LONRF3: variants seen among roughly 807,000 people sequenced by gnomAD.
The protein encoded by LONRF3 is LON peptidase N-terminal domain and RING finger protein 3.
LONRF3 carries 19 observed loss-of-function variants against 51.7 expected under a neutral mutation model. The observed-to-expected ratio is 0.37, with a 90% CI of 0.26 to 0.54. LONRF3 has a LOEUF of 0.54. Among genes scored for constraint, LONRF3 ranks in the 20% least tolerant of loss-of-function variants. The pLI, the probability that LONRF3 is intolerant of heterozygous loss-of-function variation, is 0.86. For missense variants in LONRF3, 521 were observed against 623.9 expected (o/e 0.84, Z 1.76); for synonymous variants, 265 against 257.8 (o/e 1.03, Z -0.27).
chrX:119,014,283 C>T lies in LONRF3; in HGVS notation c.2051C>T (p.Ser684Leu), dbSNP rs1925296288. The T allele has an allele frequency of 8.3e-7, 1 of 1,209,720 alleles. No homozygotes were observed. The highest frequency in any genetic ancestry group is 1.8e-5 in the South Asian group (1 of 56,908). Residue 684 changes from serine to leucine, a missense_variant, in exon 10 of 11, where the codon TCG becomes TTG. By Grantham distance (145) the Ser-to-Leu change is moderately radical. Coordinates refer to ENST00000371628, the MANE Select transcript of LONRF3 (RefSeq NM_001031855.3). ...VYQQASLWFH[S>L]LKLSLKNRIL... Reference sequence around the variant, plus strand: ...CAGCAAGCATCATTGTGGTTTCATTCGCTCAAATTATCCCTAAAGAATCGG... The same window carrying T: ...CAGCAAGCATCATTGTGGTTTCATTTGCTCAAATTATCCCTAAAGAATCGG...
In LONRF3 at chrX:118,998,122, T is replaced by C. The variant is rs1423711027; in HGVS notation, c.1415+7562T>C. On this transcript the variant is annotated intron_variant, in intron 5 of 10. Coordinates refer to ENST00000371628, the MANE Select transcript of LONRF3 (RefSeq NM_001031855.3). ...TGATCCAGCAATCCCACTGGGTATC[T>C]ACCCAGAGGAAAAGAAGCCATTATT... is the stretch of plus-strand genomic sequence containing the variant. Among the ~76,000 whole-genome samples the C allele has an allele frequency of 4.5e-4, 50 of 112,173 alleles. 1 individual carries two copies. The highest frequency in any genetic ancestry group is 1.9e-5 in the Non-Finnish European group (1 of 53,268).
chrX:118,990,739 A>G (rs1339912518), intron 5 of LONRF3, among the ~76,000 whole-genome samples, 179 bp downstream of exon 5: 2 of 112,118 alleles, frequency 1.8e-5, no homozygotes, highest in Non-Finnish European at 3.8e-5. Flanking sequence ...CAGAGACTGC[A>G]TTCCCTGCAT....
chrX:118,994,895 A>G (rs976263895), intron 5 of LONRF3, among the ~76,000 whole-genome samples: 2 of 112,357 alleles, frequency 1.8e-5, no homozygotes, highest in African/African-American at 6.5e-5. Flanking sequence ...ATAGTGAGGG[A>G]CTTCAGTACT....
chrX:118,975,708 GGGGGACCCATGGACTGTGGC>G, intron 1 of LONRF3, 111 bp downstream of exon 1: 1 of 639,859 alleles, frequency 1.6e-6, no homozygotes, highest in Non-Finnish European at 2.3e-6. Flanking sequence ...AAGAGGGGGC[GGGGGACCCATGGACTGTGGC>G]GGGGTGGGGG....
Position 118,975,083 on chromosome X carries a change from T to TGAGCAGCTG in LONRF3, c.314_322dup (p.Glu105_Leu107dup), listed in dbSNP as rs1180711868. 4 of 1,173,806 alleles carry TGAGCAGCTG rather than the reference T, an allele frequency of 3.4e-6. No individual in the cohort carries two copies. The highest frequency in any genetic ancestry group is 3.4e-6 in the Non-Finnish European group (3 of 876,959). On this transcript the variant is annotated inframe_insertion, in exon 1 of 11. Coordinates refer to ENST00000371628, the MANE Select transcript of LONRF3 (RefSeq NM_001031855.3). ...TCTCCGAGCGGCAGCAGCTGGTGGC[T>TGAGCAGCTG]GAGCAGCTGGAGCAGCTGGTGCGCT...
intron 5 of LONRF3, among the ~76,000 whole-genome samples, chrX:119,002,609 TAA>T (rs1924397156): frequency 9.0e-6 from 1 of 111,211 alleles, no homozygotes. Flanking sequence ...CTGGTGCTTA[TAA>T]GTGTTTGTTC....
intron 7 of LONRF3, among the ~76,000 whole-genome samples, chrX:119,011,326 T>C (rs376253894): frequency 8.2e-5 from 9 of 110,322 alleles, no homozygotes; most frequent in African/African-American, 3.0e-4. Flanking sequence ...TGCAGACTCT[T>C]TGGGGTCCTT....
At chrX:119,004,979 C>T (rs939759544) in intron 5 of LONRF3, among the ~76,000 whole-genome samples, 3 of 112,306 alleles carry the variant, frequency 2.7e-5, no homozygotes, top group African/African-American at 9.7e-5. Flanking sequence ...AGACAAGTAA[C>T]TTCAACCCCT....
intron 5 of LONRF3, among the ~76,000 whole-genome samples, chrX:119,003,821 A>G (rs1481606204): frequency 1.4e-4 from 16 of 112,328 alleles, no homozygotes; most frequent in African/African-American, 4.8e-4. Flanking sequence ...ATTTCTTTCA[A>G]TGAGGTGTTT....
intron 3 of LONRF3, among the ~76,000 whole-genome samples, chrX:118,989,033 C>T (rs1169677738): frequency 9.1e-6 from 1 of 110,270 alleles, no homozygotes; most frequent in Non-Finnish European, 1.9e-5. Context: ...CAGGATCTGC[C>T]GTCACTGCCT....
At position 119,011,899 on chromosome X, in the gene LONRF3, C is replaced by T. The variant is rs755121081; in HGVS notation, c.1737C>T (p.Tyr579=). 8.3e-7 allele frequency: 1 copy of T among 1,211,732 alleles called. No homozygotes were observed. The highest frequency in any genetic ancestry group is 1.1e-6 in the Non-Finnish European group (1 of 895,376). The change falls in exon 8 of 11, where the codon TAC becomes TAT. Residue 579 remains tyrosine, a synonymous_variant. Coordinates refer to ENST00000371628, the MANE Select transcript of LONRF3 (RefSeq NM_001031855.3). ...CCCTGCACATCTTTGAGCCTTGTTA[C>T]CGCCTGATGATTCGTAGATGCATTG... The part of the protein sequence containing the change: ...PCPLHIFEPC[Y]RLMIRRCIET...
At position 119,006,127 on chromosome X, in the gene LONRF3, C is replaced by G. The variant is rs1440343425; in HGVS notation, c.1422C>G (p.Phe474Leu). The part of the protein sequence containing the change: ...DLECALCMRL[F>L]YEPVTTPCGH... ...TTTGATTCCTAAATTTCAGATTATT[C>G]TATGAGCCAGTCACAACACCTTGCG... The change falls in exon 6 of 11, where the codon TTC becomes TTG. Residue 474 changes from phenylalanine (F) to leucine (L), a missense_variant. Coordinates refer to ENST00000371628, the MANE Select transcript of LONRF3 (RefSeq NM_001031855.3). 3 of 1,155,070 alleles carry G rather than the reference C, an allele frequency of 2.6e-6. No homozygotes were observed. Among genetic ancestry groups the G allele is most frequent in the Non-Finnish European group, 3.5e-6 (3 of 854,153 alleles).
At chrX:118,989,386 A>T (rs1287360655) in intron 3 of LONRF3, 22 bp from the exon 4 acceptor site, 1 of 1,207,220 alleles carries the variant, frequency 8.3e-7, no homozygotes, top group Non-Finnish European at 1.1e-6. Flanking sequence ...AGATTCTGAT[A>T]TGTGGCCCTT....
Position 119,011,863 on chromosome X carries a change from C to T in LONRF3, c.1701C>T (p.Thr567=), listed in dbSNP as rs1366869048. Residue 567 remains threonine (T), a synonymous_variant, in exon 8 of 11, where the codon ACC becomes ACT. Transcript: ENST00000371628. ...TCGTGTGTACTATGGCCTATCCCAC[C>T]GTTCCTTGTCCCCTGCACATCTTTG... ...PIFVCTMAYP[T]VPCPLHIFEP... The T allele has an allele frequency of 6.6e-6, 8 of 1,211,370 alleles. No individual in the cohort carries two copies. The highest frequency in any genetic ancestry group is 5.9e-5 in the East Asian group (2 of 33,868).
At chrX:119,006,059 G>T in intron 5 of LONRF3, 62 bp from the exon 6 acceptor site, 3 of 660,163 alleles carry the variant, frequency 4.5e-6, no homozygotes, top group Non-Finnish European at 7.0e-6. Flanking sequence ...ACTTAGCTTT[G>T]AGTCACTCTT....
chrX:119,015,227 T>TC (rs1399261442), intron 10 of LONRF3, among the ~76,000 whole-genome samples: 1 of 111,828 alleles, frequency 8.9e-6, no homozygotes, highest in African/African-American at 3.3e-5. Context: ...CTTATGCTCA[T>TC]CCCCAACTCT....
intron 10 of LONRF3, among the ~76,000 whole-genome samples, chrX:119,016,505 G>A (rs1022939550): frequency 9.1e-6 from 1 of 109,476 alleles, no homozygotes; most frequent in African/African-American, 3.3e-5. Flanking sequence ...CCGCCACCGC[G>A]CCCGGCTAAT....
At chrX:119,010,835 C>T (rs1374540388) in intron 7 of LONRF3, among the ~76,000 whole-genome samples, 4 of 111,145 alleles carry the variant, frequency 3.6e-5, no homozygotes, top group African/African-American at 1.3e-4. Flanking sequence ...AAGGCAGGGC[C>T]GGGCATGGTG....
At chrX:118,985,613 A>T (rs1362872672) in intron 3 of LONRF3, among the ~76,000 whole-genome samples, 1 of 112,051 alleles carries the variant, frequency 8.9e-6, no homozygotes, top group African/African-American at 3.2e-5. Flanking sequence ...TGCCCTCTAG[A>T]AGCTGGCCGT....
Sources: allele counts gnomAD v4.1 joint callset (sites outside exome capture counted in the v4.1 genomes callset), GRCh38; gene constraint gnomAD v4.1.1; transcripts MANE v1.5; gene names NCBI Gene and HGNC (gene_info 2026-07-23, HGNC 2026-07-21).